THSD7B: variants seen among roughly 807,000 people sequenced by gnomAD.
THSD7B encodes the protein thrombospondin type 1 domain containing 7B.
THSD7B carries 138 observed loss-of-function variants against 213.6 expected under a neutral mutation model. That is an observed-to-expected ratio of 0.65 (90% confidence interval 0.56 to 0.74). THSD7B has a LOEUF of 0.74. THSD7B is among the 30% of genes least tolerant of loss of function. The probability of loss-of-function intolerance (pLI) is 0.00; values close to 1 mark genes in which losing one functional copy is unlikely to be tolerated. For missense variants in THSD7B, 1,931 were observed against 1,991.5 expected (o/e 0.97, Z 0.58); for synonymous variants, 742 against 687.0 (o/e 1.08, Z -1.25).
In THSD7B at chr2:137,551,616, T is replaced by C. The variant is rs377079717; in HGVS notation, c.3139-11605T>C. Among the ~76,000 whole-genome samples, 6 of 152,292 alleles carry C rather than the reference T, an allele frequency of 3.9e-5. No individual in the cohort carries two copies. In the East Asian group the frequency reaches 5.8e-4, roughly 15 times the overall value. ...ATAAACTTCCCATTGGCTTTAAAGT[T>C]CAAAAATTTATTTATCAATACATTT... On this transcript the variant is annotated intron_variant, in intron 15 of 27. Transcript: ENST00000409968.
intron 2 of THSD7B, among the ~76,000 whole-genome samples, chr2:136,965,335 A>G (rs1253335358): frequency 1.3e-5 from 2 of 152,214 alleles, no homozygotes; most frequent in African/African-American, 2.4e-5. Context: ...AATAACACAT[A>G]TGGTGAAGAG....
At chr2:137,600,105 A>C (rs559726148) in intron 17 of THSD7B, among the ~76,000 whole-genome samples, 2 of 152,248 alleles carry the variant, frequency 1.3e-5, no homozygotes, top group East Asian at 3.9e-4. Flanking sequence ...GCACACATGC[A>C]TGCACACACG....
At chr2:136,994,408 TA>T (rs369385207) in intron 2 of THSD7B, among the ~76,000 whole-genome samples, 1 of 151,066 alleles carries the variant, frequency 6.6e-6, no homozygotes, top group Admixed American at 6.6e-5. Flanking sequence ...CTACTAAAAA[TA>T]AAAAAAAATT....
intron 4 of THSD7B, among the ~76,000 whole-genome samples, chr2:137,099,048 A>G (rs1362555869): frequency 6.6e-6 from 1 of 152,126 alleles, no homozygotes; most frequent in Non-Finnish European, 1.5e-5. Flanking sequence ...CCTTCAGTCT[A>G]TTTGTAATTT....
rs531151062 is a variant in THSD7B, at chr2:137,107,270, A to C, written c.1200-7854A>C. Among the ~76,000 whole-genome samples, 42 of 152,334 alleles carry C rather than the reference A, an allele frequency of 2.8e-4. No homozygotes were observed. The South Asian group carries it at 4.1e-3, about 15-fold the overall frequency. On this transcript the variant is annotated intron_variant, in intron 4 of 27. Transcript: ENST00000409968. ...GACAAAGCTAGAAACCATCATTCTC[A>C]GCAAACTAACACAGGAACAGAAAAC...
chr2:137,084,992 C>CG (rs1024061003), intron 3 of THSD7B, among the ~76,000 whole-genome samples: 1 of 152,158 alleles, frequency 6.6e-6, no homozygotes, highest in Non-Finnish European at 1.5e-5. Flanking sequence ...AAAGATCATA[C>CG]TGTGAAAATG....
chr2:137,381,601 C>A (rs1181789746), intron 12 of THSD7B, among the ~76,000 whole-genome samples: 1 of 152,200 alleles, frequency 6.6e-6, no homozygotes, highest in Non-Finnish European at 1.5e-5. Context: ...GGCAAAGATG[C>A]CCCACCTGCG....
intron 10 of THSD7B, among the ~76,000 whole-genome samples, chr2:137,245,473 G>C (rs980234197): frequency 1.2e-4 from 18 of 152,096 alleles, no homozygotes; most frequent in African/African-American, 4.3e-4. Flanking sequence ...CGGGTCCTCA[G>C]CCTGTGTATC....
At chr2:137,023,130 A>G (rs1356002559) in intron 2 of THSD7B, among the ~76,000 whole-genome samples, 2 of 152,212 alleles carry the variant, frequency 1.3e-5, no homozygotes, top group African/African-American at 4.8e-5. Flanking sequence ...GTTTATACAG[A>G]AGATGGAAAA....
intron 5 of THSD7B, among the ~76,000 whole-genome samples, chr2:137,116,930 C>A (rs557431133): frequency 6.6e-6 from 1 of 152,300 alleles, no homozygotes; most frequent in African/African-American, 2.4e-5. Context: ...AAATTAATAT[C>A]TGTGTTCACA....
chr2:137,630,185 G>A (rs899947257), intron 20 of THSD7B, among the ~76,000 whole-genome samples: 1 of 152,016 alleles, frequency 6.6e-6, no homozygotes, highest in Non-Finnish European at 1.5e-5. Context: ...GTAGAAACTG[G>A]GTTATGCCAT....
intron 15 of THSD7B, among the ~76,000 whole-genome samples, chr2:137,464,170 C>A (rs968161281): frequency 1.3e-5 from 2 of 151,988 alleles, no homozygotes; most frequent in East Asian, 1.9e-4. Context: ...TTGGGTCTCT[C>A]ACATTACATT....
chr2:137,385,426 G>A (rs1431002032), intron 12 of THSD7B, among the ~76,000 whole-genome samples: 1 of 152,182 alleles, frequency 6.6e-6, no homozygotes, highest in Non-Finnish European at 1.5e-5. Context: ...GGAATCACAA[G>A]GCAGATGATA....
chr2:137,160,431 T>C (rs1558942289), intron 6 of THSD7B, 63 bp downstream of exon 6: 3 of 1,571,852 alleles, frequency 1.9e-6, no homozygotes, highest in Non-Finnish European at 2.6e-6. Context: ...TTCTGGTAGC[T>C]AAGTCACTGA....
intron 2 of THSD7B, among the ~76,000 whole-genome samples, chr2:136,976,649 T>C (rs1685486384): frequency 6.6e-6 from 1 of 152,090 alleles, no homozygotes; most frequent in Non-Finnish European, 1.5e-5. Context: ...TTTTTCTTTT[T>C]TTGAGATGGA....
intron 3 of THSD7B, among the ~76,000 whole-genome samples, chr2:137,084,647 CT>C (rs948176307): frequency 2.0e-5 from 3 of 152,130 alleles, no homozygotes; most frequent in Non-Finnish European, 4.4e-5. Flanking sequence ...CCTGCTATCT[CT>C]TTCCTTTTTA....
chr2:136,910,197 A>G (rs1218475340), intron 2 of THSD7B, among the ~76,000 whole-genome samples: 1 of 152,032 alleles, frequency 6.6e-6, no homozygotes, highest in Admixed American at 6.6e-5. Flanking sequence ...AGAGTGGAGT[A>G]TAAACAAAAC....
At chr2:137,669,077 ATTT>A (rs55970203) in intron 27 of THSD7B, among the ~76,000 whole-genome samples, 6 of 151,944 alleles carry the variant, frequency 3.9e-5, no homozygotes, top group Non-Finnish European at 8.8e-5. Context: ...GTTTCAATGG[ATTT>A]TTTTTAATTT....
intron 12 of THSD7B, among the ~76,000 whole-genome samples, chr2:137,360,299 G>A (rs944711329): frequency 7.2e-5 from 11 of 152,104 alleles, no homozygotes; most frequent in African/African-American, 2.4e-4. Flanking sequence ...CAGTGTGATC[G>A]ACGCAGAAGA....
Sources: allele counts gnomAD v4.1 joint callset (sites outside exome capture counted in the v4.1 genomes callset), GRCh38; gene constraint gnomAD v4.1.1; transcripts MANE v1.5; gene names NCBI Gene and HGNC (gene_info 2026-07-23, HGNC 2026-07-21).